Variants in MCTP1 observed in about 807,000 individuals in gnomAD.
MCTP1 encodes the protein multiple C2 and transmembrane domain containing 1, also known as multiple C2 and transmembrane domain-containing protein 1.
MCTP1 carries 69 observed loss-of-function variants against 120.6 expected under a neutral mutation model. The ratio of observed to expected loss-of-function variants is 0.57; its 90% confidence interval spans 0.47 to 0.70. MCTP1 has a LOEUF of 0.70. MCTP1 is among the 30% of genes least tolerant of loss of function. The pLI, the probability that MCTP1 is intolerant of heterozygous loss-of-function variation, is 0.00. For missense variants in MCTP1, 1,203 were observed against 1,248.8 expected (o/e 0.96, Z 0.55); for synonymous variants, 529 against 493.1 (o/e 1.07, Z -0.96).
chr5:95,132,929 A>G (rs17084472), intron 1 of MCTP1, among the ~76,000 whole-genome samples: 2,816 of 152,268 alleles, frequency 0.018, 84 homozygotes, highest in African/African-American at 0.064. Context: ...CCCTCGCTCA[A>G]TAAGTACATT....
chr5:95,217,989 G>C (rs1433390518), intron 1 of MCTP1, among the ~76,000 whole-genome samples: 1 of 152,184 alleles, frequency 6.6e-6, no homozygotes, highest in Non-Finnish European at 1.5e-5. Context: ...AAAGACATGA[G>C]AGATATGACG....
In MCTP1 at chr5:94,895,824, C is replaced by A. The variant is rs537629879; in HGVS notation, c.1653-989G>T. On this transcript the variant is annotated intron_variant, in intron 10 of 22. Coordinates refer to ENST00000515393, the MANE Select transcript of MCTP1 (RefSeq NM_024717.7). ...AACTGAAGTCCAATATTTCAATAGG[C>A]CTTTTATTTTTGCCTACTGGTTAAT... Among the ~76,000 whole-genome samples, 3 of 152,074 alleles carry A rather than the reference C, an allele frequency of 2.0e-5. No homozygotes were observed. In the East Asian group the frequency reaches 5.8e-4, roughly 29 times the overall value.
chr5:95,217,080 A>C (rs1175635841), intron 1 of MCTP1, among the ~76,000 whole-genome samples: 3 of 152,240 alleles, frequency 2.0e-5, no homozygotes, highest in African/African-American at 7.2e-5. Flanking sequence ...GCAACAAGAC[A>C]GACTCACTTC....
intron 1 of MCTP1, among the ~76,000 whole-genome samples, chr5:95,233,808 C>T (rs1253517975): frequency 1.3e-5 from 2 of 151,886 alleles, no homozygotes; most frequent in Non-Finnish European, 2.9e-5. Context: ...GTTCTCAAAT[C>T]CCCTCAGCTA....
intron 1 of MCTP1, among the ~76,000 whole-genome samples, chr5:95,132,523 G>A (rs539854353): frequency 6.6e-6 from 1 of 152,354 alleles, no homozygotes; most frequent in East Asian, 1.9e-4. Flanking sequence ...GTGCAGAAAT[G>A]AGTGTGCGGA....
At chr5:94,876,694 A>G (rs953605480) in intron 12 of MCTP1, among the ~76,000 whole-genome samples, 1 of 152,080 alleles carries the variant, frequency 6.6e-6, no homozygotes, top group Non-Finnish European at 1.5e-5. Flanking sequence ...CAATGCTAGA[A>G]ACTGGAGAAT....
At chr5:94,793,641 G>A (rs1232546388) in intron 18 of MCTP1, 1 of 152,258 alleles carries the variant, frequency 6.6e-6, no homozygotes, top group Non-Finnish European at 1.5e-5. Context: ...CTAACTGTAT[G>A]TTCAGAGTGC....
chr5:95,007,773 C>G (rs920718709), intron 2 of MCTP1, among the ~76,000 whole-genome samples: 1 of 152,122 alleles, frequency 6.6e-6, no homozygotes, highest in East Asian at 1.9e-4. Context: ...AAAACCTTTC[C>G]CATTCCCCAG....
intron 19 of MCTP1, among the ~76,000 whole-genome samples, chr5:94,773,572 A>T (rs1774592640): frequency 6.6e-6 from 1 of 152,142 alleles, no homozygotes; most frequent in Non-Finnish European, 1.5e-5. Flanking sequence ...GTCTGTTCTC[A>T]TGCTGTTAAT....
chr5:95,065,680 T>C (rs895803133), intron 1 of MCTP1, among the ~76,000 whole-genome samples: 6 of 152,154 alleles, frequency 3.9e-5, no homozygotes, highest in African/African-American at 1.4e-4. Flanking sequence ...TCCTTTGAGA[T>C]TGAGAAAAGA....
intron 1 of MCTP1, among the ~76,000 whole-genome samples, chr5:95,234,655 G>A (rs888653477): frequency 7.2e-5 from 11 of 152,038 alleles, no homozygotes; most frequent in African/African-American, 1.9e-4. Flanking sequence ...AAACTTATCC[G>A]TGACATTATT....
chr5:94,992,723 T>C (rs1407111780), intron 2 of MCTP1, among the ~76,000 whole-genome samples: 1 of 152,204 alleles, frequency 6.6e-6, no homozygotes, highest in African/African-American at 2.4e-5. Context: ...CTGAGAACTC[T>C]ACACTTGTCC....
At chr5:94,981,328 A>G (rs1262814564) in intron 2 of MCTP1, among the ~76,000 whole-genome samples, 1 of 152,162 alleles carries the variant, frequency 6.6e-6, no homozygotes, top group Non-Finnish European at 1.5e-5. Flanking sequence ...TACTTTTCCA[A>G]TGCCATTAAC....
intron 8 of MCTP1, among the ~76,000 whole-genome samples, chr5:94,916,321 A>G (rs896756083): frequency 1.3e-5 from 2 of 152,194 alleles, no homozygotes; most frequent in African/African-American, 4.8e-5. Context: ...TTCTGGCTAT[A>G]TGCTTGGGCA....
intron 1 of MCTP1, among the ~76,000 whole-genome samples, chr5:95,255,480 T>C (rs992061074): frequency 6.6e-6 from 1 of 152,166 alleles, no homozygotes; most frequent in African/African-American, 2.4e-5. Context: ...AAAAGCTTTC[T>C]ACTTAGAACA....
chr5:94,880,749 C>T (rs1222544476), intron 12 of MCTP1, among the ~76,000 whole-genome samples: 1 of 152,166 alleles, frequency 6.6e-6, no homozygotes, highest in African/African-American at 2.4e-5. Flanking sequence ...GAAATCATTA[C>T]TTCTACAAGA....
rs1220284559 is a variant in MCTP1, at chr5:94,704,551, T to G, written c.*2945A>C. 5 of 151,270 alleles carry G rather than the reference T, an allele frequency of 3.3e-5. No homozygotes were observed. The highest frequency in any genetic ancestry group is 5.9e-5 in the Non-Finnish European group (4 of 67,560). The allele number at this position is 151,270 out of a possible 1,614,324, so 9.4% of individuals were successfully genotyped here. Reference sequence around the variant, plus strand: ...CCTAGATAAGCATTTACTTCTGAGTTTTTCTTCACTTTTAAATGCAGAATA... The same window carrying G: ...CCTAGATAAGCATTTACTTCTGAGTGTTTCTTCACTTTTAAATGCAGAATA... On this transcript the variant is annotated 3_prime_UTR_variant, in exon 23 of 23. Coordinates refer to ENST00000515393, the MANE Select transcript of MCTP1 (RefSeq NM_024717.7).
chr5:95,265,752 T>C (rs1758832370), intron 1 of MCTP1, among the ~76,000 whole-genome samples: 1 of 152,230 alleles, frequency 6.6e-6, no homozygotes, highest in South Asian at 2.1e-4. Flanking sequence ...ATCTTTTACA[T>C]ATATATGCTA....
intron 3 of MCTP1, among the ~76,000 whole-genome samples, chr5:94,945,448 A>G (rs1371808144): frequency 1.3e-5 from 2 of 152,190 alleles, no homozygotes; most frequent in African/African-American, 4.8e-5. Context: ...AGAAATGTCT[A>G]TAGGTAATTA....
Sources: allele counts gnomAD v4.1 joint callset (sites outside exome capture counted in the v4.1 genomes callset), GRCh38; gene constraint gnomAD v4.1.1; transcripts MANE v1.5; gene names NCBI Gene and HGNC (gene_info 2026-07-23, HGNC 2026-07-21).